Variants in CDK14 observed in about 807,000 individuals in gnomAD.
The protein encoded by CDK14 is cyclin-dependent kinase 14.
In CDK14, 34 loss-of-function variants were observed where a neutral mutation model predicts 60.7. The ratio of observed to expected loss-of-function variants is 0.56; its 90% CI spans 0.43 to 0.75. The LOEUF is 0.75. CDK14 is among the 30% of genes least tolerant of loss of function. The probability of loss-of-function intolerance (pLI) is 0.00; values close to 1 mark genes in which losing one functional copy is unlikely to be tolerated. For synonymous variants in CDK14, 197 were observed against 203.7 expected (o/e 0.97, Z 0.28); for missense variants, 482 against 564.1 (o/e 0.85, Z 1.47).
intron 14 of CDK14, among the ~76,000 whole-genome samples, chr7:91,130,268 C>T (rs1209945821): frequency 1.3e-5 from 2 of 152,118 alleles, no homozygotes; most frequent in Non-Finnish European, 2.9e-5. Context: ...AGGGCACTGC[C>T]ACTCCTCCCA....
At chr7:91,125,669 C>T (rs774297127) in intron 14 of CDK14, among the ~76,000 whole-genome samples, 1 of 151,824 alleles carries the variant, frequency 6.6e-6, no homozygotes, top group Non-Finnish European at 1.5e-5. Flanking sequence ...AAATAATGTA[C>T]ACAATCTAGA....
At chr7:90,651,808 G>A (rs1312802714) in intron 2 of CDK14, among the ~76,000 whole-genome samples, 1 of 152,004 alleles carries the variant, frequency 6.6e-6, no homozygotes. Context: ...CTTAGAGCAG[G>A]CCTCCAGGAT....
At chr7:90,909,589 A>G (rs1423897299) in intron 7 of CDK14, among the ~76,000 whole-genome samples, 2 of 151,960 alleles carry the variant, frequency 1.3e-5, no homozygotes, top group Non-Finnish European at 1.5e-5. Flanking sequence ...TCTAGATCCC[A>G]TGGCTTTAAA....
rs551786255 is a variant in CDK14 at position 90,955,734 on chromosome 7, C to G, written c.864C>G (p.Tyr288Ter). Residue 288 changes from tyrosine (Y) to a stop codon, truncating the protein, a stop_gained, in exon 9 of 15, where the codon TAC becomes TAG. Coordinates refer to ENST00000380050, the MANE Select transcript of CDK14 (RefSeq NM_001287135.2). LOFTEE classifies it high-confidence loss of function. ...CAAAATCCGTCCCTAGCCACACATA[C>G]TCCAACGAAGTGGTTACCTTGTGGT... ...ARAKSVPSHT[Y>*]SNEVVTLWYR... The G allele has an allele frequency of 1.2e-6, 2 of 1,613,500 alleles. No homozygotes were observed. Among genetic ancestry groups the G allele is most frequent in the Admixed American group, 1.7e-5 (1 of 59,998 alleles).
At chr7:90,598,004 C>T (rs534596887) in intron 1 of CDK14, among the ~76,000 whole-genome samples, 1 of 152,234 alleles carries the variant, frequency 6.6e-6, no homozygotes, top group South Asian at 2.1e-4. Flanking sequence ...AGAGTCCCTG[C>T]ATTAAGATGA....
intron 4 of CDK14, among the ~76,000 whole-genome samples, chr7:90,754,126 A>G (rs1378581932): frequency 1.3e-5 from 2 of 152,184 alleles, no homozygotes; most frequent in Non-Finnish European, 2.9e-5. Flanking sequence ...TTAGAAAAAC[A>G]TATTCTAACA....
intron 14 of CDK14, among the ~76,000 whole-genome samples, chr7:91,147,128 A>G (rs1584127484): frequency 1.6e-5 from 1 of 63,586 alleles, no homozygotes; most frequent in African/African-American, 5.7e-5. Context: ...CACCTCCACT[A>G]GCACCTCTCT....
At chr7:91,058,722 G>A (rs572411420) in intron 11 of CDK14, among the ~76,000 whole-genome samples, 225 of 152,310 alleles carry the variant, frequency 1.5e-3, no homozygotes, top group African/African-American at 5.2e-3. Flanking sequence ...ATTTGCATAT[G>A]TTGAACCAGC....
At chr7:90,735,585 T>C (rs1049546197) in intron 3 of CDK14, among the ~76,000 whole-genome samples, 8 of 152,238 alleles carry the variant, frequency 5.3e-5, no homozygotes, top group African/African-American at 1.9e-4. Flanking sequence ...TACAGTGGGC[T>C]CTGCCCATTT....
At chr7:90,941,317 G>A (rs924745690) in intron 8 of CDK14, among the ~76,000 whole-genome samples, 4 of 152,098 alleles carry the variant, frequency 2.6e-5, no homozygotes, top group Admixed American at 1.3e-4. Context: ...GACATGCCAG[G>A]CCCACCCTGT....
At chr7:90,762,230 G>A (rs186655004) in intron 4 of CDK14, among the ~76,000 whole-genome samples, 1 of 152,160 alleles carries the variant, frequency 6.6e-6, no homozygotes, top group East Asian at 1.9e-4. Context: ...GAAAGAGCTT[G>A]GTGTGTTTTA....
intron 5 of CDK14, among the ~76,000 whole-genome samples, chr7:90,805,349 A>G (rs1788782840): frequency 6.6e-6 from 1 of 152,108 alleles, no homozygotes; most frequent in South Asian, 2.1e-4. Context: ...TTATTATTCC[A>G]ATAGATGTAA....
At chr7:90,790,412 A>G (rs1279036708) in intron 4 of CDK14, among the ~76,000 whole-genome samples, 161 bp from the exon 5 acceptor site, 1 of 152,194 alleles carries the variant, frequency 6.6e-6, no homozygotes, top group African/African-American at 2.4e-5. Context: ...TGATGATGAT[A>G]CAGAATTCCC....
intron 14 of CDK14, among the ~76,000 whole-genome samples, chr7:91,132,409 G>A (rs182980617): frequency 2.0e-5 from 3 of 152,238 alleles, no homozygotes; most frequent in Admixed American, 2.0e-4. Context: ...GAAGACACGC[G>A]CAGAGAAAGT....
rs117970860 is a variant in CDK14 at position 90,759,415 on chromosome 7, G to A, written c.464+11640G>A. Among the ~76,000 whole-genome samples, 22 of 152,320 alleles carry A rather than the reference G, an allele frequency of 1.4e-4. No individual in the cohort carries two copies. The East Asian group carries it at 4.1e-3, about 28-fold the overall frequency. On this transcript the variant is annotated intron_variant, in intron 4 of 14. Coordinates refer to ENST00000380050, the MANE Select transcript of CDK14 (RefSeq NM_001287135.2). The stretch of plus-strand genomic sequence containing the variant: ...TGATTATTGTGGTAGTTTTGGTTAA[G>A]CAAAAGTGTTTTGTTTGAGTATTGA...
intron 5 of CDK14, among the ~76,000 whole-genome samples, chr7:90,858,101 T>C (rs371936663): frequency 7.4e-4 from 112 of 152,370 alleles, no homozygotes; most frequent in African/African-American, 2.5e-3. Context: ...AAATCTGTCA[T>C]AATTATTGAG....
intron 10 of CDK14, among the ~76,000 whole-genome samples, chr7:91,015,679 C>A (rs868336006): frequency 2.8e-4 from 42 of 151,808 alleles, no homozygotes; most frequent in South Asian, 2.7e-3. Flanking sequence ...AGGCACCCGC[C>A]ACCATGCCCG....
chr7:90,639,129 C>G (rs1800245973), intron 2 of CDK14, among the ~76,000 whole-genome samples: 1 of 152,324 alleles, frequency 6.6e-6, no homozygotes, highest in African/African-American at 2.4e-5. Flanking sequence ...CTTCTCTCAA[C>G]TCGTCAAAGT....
chr7:91,112,405 C>T (rs1799490321), intron 12 of CDK14, 137 bp from the exon 13 acceptor site: 2 of 873,054 alleles, frequency 2.3e-6, no homozygotes, highest in Admixed American at 4.7e-5. Flanking sequence ...ATGCATTTTG[C>T]TTCTGTTTAT....
Sources: allele counts gnomAD v4.1 joint callset (sites outside exome capture counted in the v4.1 genomes callset), GRCh38; gene constraint gnomAD v4.1.1; transcripts MANE v1.5; gene names NCBI Gene and HGNC (gene_info 2026-07-23, HGNC 2026-07-21).